RELN: variants seen among roughly 807,000 people sequenced by gnomAD.
The protein encoded by RELN is reelin.
A neutral mutation model predicts 427.6 loss-of-function variants in RELN; 108 were observed. The observed-to-expected ratio is 0.25, with a 90% CI of 0.22 to 0.30. RELN has a LOEUF of 0.30. Among genes scored for constraint, RELN ranks in the 10% least tolerant of loss-of-function variants. RELN has a pLI of 1.00. For missense variants in RELN, 3,715 were observed against 4,302.8 expected (o/e 0.86, Z 3.82); for synonymous variants, 1,524 against 1,513.4 (o/e 1.01, Z -0.16).
Position 103,626,491 on chromosome 7 carries a change from C to G in RELN, c.2702+3449G>C, listed in dbSNP as rs749329556. On this transcript the variant is annotated intron_variant, in intron 20 of 64. Transcript: ENST00000428762. The surrounding 1 kb of genome is among the most constrained non-coding windows in gnomAD (Gnocchi z 4.4). Reference sequence around the variant, plus strand: ...TCAACCTCCCAAATAGCTGGGATTACAGGCATGTGTCACCACGCTCGGCTA... The same window carrying G: ...TCAACCTCCCAAATAGCTGGGATTAGAGGCATGTGTCACCACGCTCGGCTA... 6.6e-6 allele frequency among the ~76,000 whole-genome samples: 1 copy of G among 152,070 alleles called. No individual in the cohort carries two copies. The highest frequency in any genetic ancestry group is 1.9e-4 in the East Asian group (1 of 5,198).
intron 40 of RELN, among the ~76,000 whole-genome samples, chr7:103,551,924 T>G (rs1830419042): frequency 7.6e-6 from 1 of 130,862 alleles, no homozygotes; most frequent in Non-Finnish European, 1.6e-5. Flanking sequence ...AGTTACCTTC[T>G]GTGTGTGTGT....
intron 2 of RELN, among the ~76,000 whole-genome samples, chr7:103,882,366 T>C (rs907092854): frequency 6.6e-6 from 1 of 152,206 alleles, no homozygotes; most frequent in Non-Finnish European, 1.5e-5. Context: ...TGACTCTTCA[T>C]TCTCTAAATC....
chr7:103,803,720 T>C (rs1459522139), intron 3 of RELN, among the ~76,000 whole-genome samples: 1 of 152,116 alleles, frequency 6.6e-6, no homozygotes, highest in African/African-American at 2.4e-5. Context: ...CAAATTATAA[T>C]GGGTAAAGAT....
Position 103,801,550 on chromosome 7 carries a change from G to A in RELN, c.474-24923C>T, listed in dbSNP as rs150239092. Among the ~76,000 whole-genome samples the A allele has an allele frequency of 1.3e-3, 202 of 151,758 alleles. 1 individual carries two copies. The highest frequency in any genetic ancestry group is 4.7e-3 in the African/African-American group (195 of 41,384). ...AACAATGAGAACACATGAACACAGG[G>A]TGGGGAACATCACACACTGGGGCCT... is the stretch of plus-strand genomic sequence containing the variant. On this transcript the variant is annotated intron_variant, in intron 3 of 64. Transcript: ENST00000428762.
chr7:103,884,066 A>G (rs6465939), intron 2 of RELN, among the ~76,000 whole-genome samples: 59,687 of 151,998 alleles, frequency 0.39, 12,319 homozygotes, highest in Non-Finnish European at 0.43. Flanking sequence ...ACAGCATGGT[A>G]CTGGTACCAA....
chr7:103,682,364 G>A, intron 10 of RELN, 103 bp from the exon 11 acceptor site: 5 of 1,188,576 alleles, frequency 4.2e-6, no homozygotes, highest in Non-Finnish European at 6.2e-6. Context: ...TATTATATTA[G>A]CTCCTCTATG....
intron 24 of RELN, among the ~76,000 whole-genome samples, chr7:103,602,653 G>A (rs1295701839): frequency 6.6e-6 from 1 of 152,086 alleles, no homozygotes; most frequent in East Asian, 1.9e-4. Flanking sequence ...GCCACAGGGA[G>A]GGGAACATCA....
At position 103,929,572 on chromosome 7, in the gene RELN, T is replaced by C. The variant is rs143819058; in HGVS notation, c.227-12387A>G. ...TCTGTTTCAAGACAACCTTATTTAA[T>C]ATATATTGTTGATTCATTATAACAT... On this transcript the variant is annotated intron_variant, in intron 1 of 64. Transcript: ENST00000428762. 5.7e-4 allele frequency among the ~76,000 whole-genome samples: 87 copies of C among 152,330 alleles called. 1 individual carries two copies. The East Asian group carries it at 0.016, about 28-fold the overall frequency.
chr7:103,871,156 G>GC (rs1322178065), intron 2 of RELN, among the ~76,000 whole-genome samples: 2 of 152,092 alleles, frequency 1.3e-5, no homozygotes, highest in Non-Finnish European at 2.9e-5. Flanking sequence ...AAAAGGAAGT[G>GC]CCTCAGGGTT....
intron 45 of RELN, among the ~76,000 whole-genome samples, chr7:103,535,964 A>T (rs1284028280): frequency 6.6e-6 from 1 of 152,014 alleles, no homozygotes. Context: ...TTAATGGTTA[A>T]CATACAAATA....
intron 1 of RELN, among the ~76,000 whole-genome samples, chr7:103,932,882 C>T (rs1358880545): frequency 1.3e-5 from 2 of 152,186 alleles, no homozygotes; most frequent in African/African-American, 4.8e-5. Flanking sequence ...AAGTGACCTT[C>T]CAGAGAAAGT....
intron 45 of RELN, among the ~76,000 whole-genome samples, chr7:103,536,872 T>A (rs1256844997): frequency 6.6e-6 from 1 of 152,202 alleles, no homozygotes; most frequent in Non-Finnish European, 1.5e-5. Context: ...CTACGGAGCC[T>A]GGCACGTGCT....
intron 44 of RELN, among the ~76,000 whole-genome samples, chr7:103,539,853 C>G (rs1830139891): frequency 6.6e-6 from 1 of 152,212 alleles, no homozygotes; most frequent in Non-Finnish European, 1.5e-5. Flanking sequence ...TTGGGAACTA[C>G]TGCATGTGGC....
At chr7:103,486,104 C>T in intron 61 of RELN, 93 bp downstream of exon 61, 2 of 1,184,866 alleles carry the variant, frequency 1.7e-6, no homozygotes, top group South Asian at 2.5e-5. Flanking sequence ...ACATCTGTGC[C>T]ATGAAGTTCA....
chr7:103,629,810 C>G (rs1387436565), intron 20 of RELN, 130 bp downstream of exon 20: 1 of 746,952 alleles, frequency 1.3e-6, no homozygotes, highest in Non-Finnish European at 2.4e-6. Context: ...AACAGTAGTT[C>G]TGTTTTCAAG....
At chr7:103,933,727 C>G (rs554279086) in intron 1 of RELN, among the ~76,000 whole-genome samples, 2 of 152,224 alleles carry the variant, frequency 1.3e-5, no homozygotes, top group East Asian at 3.9e-4. Flanking sequence ...CTTCCTCCCC[C>G]AGTGGGGCTT....
chr7:103,904,080 C>T (rs1795141462), intron 2 of RELN, among the ~76,000 whole-genome samples: 1 of 152,044 alleles, frequency 6.6e-6, no homozygotes, highest in African/African-American at 2.4e-5. Context: ...TGTTCAACTC[C>T]CACTTATAAG....
At chr7:103,647,154 G>A (rs773383907) in intron 16 of RELN, among the ~76,000 whole-genome samples, 14 of 151,882 alleles carry the variant, frequency 9.2e-5, no homozygotes, top group Non-Finnish European at 1.9e-4. Flanking sequence ...GGAACATGAT[G>A]AGGATGCCCA....
intron 64 of RELN, among the ~76,000 whole-genome samples, chr7:103,474,278 T>C (rs976339438): frequency 8.5e-5 from 13 of 152,048 alleles, no homozygotes; most frequent in Admixed American, 8.5e-4. Flanking sequence ...TGCTAAAATA[T>C]TGATACAAAG....
Sources: allele counts gnomAD v4.1 joint callset (sites outside exome capture counted in the v4.1 genomes callset), GRCh38; gene constraint gnomAD v4.1.1; non-coding constraint Gnocchi (gnomAD v3.1); transcripts MANE v1.5; gene names NCBI Gene and HGNC (gene_info 2026-07-23, HGNC 2026-07-21).